Variants in NAGK observed in about 807,000 individuals in gnomAD.
The protein encoded by NAGK is N-acetyl-D-glucosamine kinase.
In NAGK, 35 loss-of-function variants were observed where a neutral mutation model predicts 42.9. The ratio of observed to expected loss-of-function variants is 0.82; its 90% CI spans 0.62 to 1.08. The LOEUF is 1.08. Ranked by LOEUF, NAGK falls within the 50% of genes least tolerant of loss-of-function variation. The probability of loss-of-function intolerance (pLI) is 0.00; values close to 1 mark genes in which losing one functional copy is unlikely to be tolerated. For missense variants in NAGK, 446 were observed against 446.0 expected (o/e 1.00, Z 0.00); for synonymous variants, 172 against 176.0 (o/e 0.98, Z 0.18).
chr2:71,072,564 C>G, intron 4 of NAGK, 77 bp from the exon 5 acceptor site: 1 of 1,253,544 alleles, frequency 8.0e-7, no homozygotes, highest in Non-Finnish European at 1.2e-6. Flanking sequence ...TGTTTTCTGT[C>G]CTGTCTTTCC....
At chr2:71,071,866 T>C (rs936404003) in intron 4 of NAGK, 39 bp downstream of exon 4, 1 of 1,609,506 alleles carries the variant, frequency 6.2e-7, no homozygotes, top group East Asian at 2.2e-5. Flanking sequence ...GAGAACTGGT[T>C]TTTTTGGGAA....
chr2:71,068,790 C>G, intron 1 of NAGK, 78 bp downstream of exon 1: 1 of 1,425,928 alleles, frequency 7.0e-7, no homozygotes, highest in Non-Finnish European at 9.2e-7. Context: ...AGCTGGTGGC[C>G]TTGATCCTCG....
At chr2:71,073,860 C>G (rs1346205702) in intron 6 of NAGK, among the ~76,000 whole-genome samples, 1 of 152,092 alleles carries the variant, frequency 6.6e-6, no homozygotes, top group Non-Finnish European at 1.5e-5. Context: ...CATTCTTGGG[C>G]AGCTAGAACC....
intron 9 of NAGK, 126 bp from the exon 10 acceptor site, chr2:71,078,192 T>C: frequency 8.9e-6 from 8 of 898,418 alleles, no homozygotes; most frequent in East Asian, 5.2e-5. Flanking sequence ...GCACTTGGCA[T>C]GTAGGCCCCT....
intron 7 of NAGK, chr2:71,076,354 C>G (rs560074951): frequency 5.0e-6 from 2 of 400,578 alleles, no homozygotes; most frequent in South Asian, 5.3e-5. Context: ...GGGTGCTGCC[C>G]TCCCTTCCTG....
At chr2:71,069,492 C>G (rs745793325) in intron 1 of NAGK, 1 of 152,238 alleles carries the variant, frequency 6.6e-6, no homozygotes, top group Non-Finnish European at 1.5e-5. Flanking sequence ...ATTGTTTTCA[C>G]TTCTCTGGCA....
Position 71,076,720 on chromosome 2 carries a change from G to A in NAGK, c.765+19G>A. The A allele has an allele frequency of 6.2e-7, 1 of 1,603,090 alleles. No individual in the cohort carries two copies. Among genetic ancestry groups the A allele is most frequent in the South Asian group, 1.1e-5 (1 of 90,714 alleles). Reference sequence around the variant, plus strand: ...TGACCCGGTGAGTTGAGGTGGGAGTGAAGGTGGGGAGCTGCTGGGTGAGGA... The same window carrying A: ...TGACCCGGTGAGTTGAGGTGGGAGTAAAGGTGGGGAGCTGCTGGGTGAGGA... On this transcript the variant is annotated intron_variant, in intron 8 of 9. Transcript: ENST00000244204.
intron 5 of NAGK, 55 bp downstream of exon 5, chr2:71,072,806 C>T: frequency 6.7e-6 from 10 of 1,483,406 alleles, no homozygotes; most frequent in Non-Finnish European, 8.4e-6. Context: ...TTCCTTCACT[C>T]CCTGTCTTTC....
intron 1 of NAGK, chr2:71,070,266 C>T (rs1671948491): frequency 3.0e-5 from 13 of 434,638 alleles, no homozygotes; most frequent in South Asian, 2.2e-4. Flanking sequence ...CTAGGTGAAG[C>T]GTAAGTAGAG....
chr2:71,073,748 GGGTGCATTCTAGGA>G (rs1357589696), intron 6 of NAGK, among the ~76,000 whole-genome samples, 154 bp downstream of exon 6: 3 of 152,140 alleles, frequency 2.0e-5, no homozygotes, highest in Non-Finnish European at 2.9e-5. Flanking sequence ...GGTGAGGACA[GGGTGCATTCTAGGA>G]GGTGCATTCT....
At chr2:71,073,333 T>TCCCCCCCCCCC in intron 5 of NAGK, 149 bp from the exon 6 acceptor site, 1 of 275,672 alleles carries the variant, frequency 3.6e-6, no homozygotes, top group Non-Finnish European at 7.2e-6. Flanking sequence ...CACCCCCCTC[T>TCCCCCCCCCCC]CCCACCCCCT....
chr2:71,077,062 A>G (rs532798662), intron 8 of NAGK, among the ~76,000 whole-genome samples: 2 of 151,390 alleles, frequency 1.3e-5, no homozygotes, highest in Admixed American at 1.3e-4. Flanking sequence ...CTCCCACTCT[A>G]CCTCCCAGGT....
chr2:71,073,494 C>A lies in NAGK; in HGVS notation c.479C>A (p.Ala160Glu), dbSNP rs1190188472. The change falls in exon 6 of 10, where the codon GCA (alanine) becomes GAA (glutamate). Residue 160 changes from alanine (A) to glutamate (E), a missense_variant. Coordinates refer to ENST00000244204, the MANE Select transcript of NAGK (RefSeq NM_017567.6). ...CTGCTCCCTGCAGCCTACTGGATCG[C>A]ACACCAAGCAGTGAAAATAGTGTTT... is the stretch of plus-strand genomic sequence containing the variant. ...MGDEGSAYWI[A>E]HQAVKIVFDS... 6.2e-7 allele frequency: 1 copy of A among 1,613,892 alleles called. No individual in the cohort carries two copies. Among genetic ancestry groups the A allele is most frequent in the Admixed American group, 1.7e-5 (1 of 60,026 alleles).
rs768232499 is a variant in NAGK, at chr2:71,077,651, A to T, written c.844+15A>T. The T allele has an allele frequency of 5.0e-6, 8 of 1,595,442 alleles. No individual in the cohort carries two copies. The Admixed American group carries it at 1.4e-4, about 28-fold the overall frequency. On this transcript the variant is annotated intron_variant, in intron 9 of 9. Transcript: ENST00000244204. ...GCTGAAGGAAGGTGAGCCTGGGGGG[A>T]GGCTGGAAGGGCAAGGGCAGGGGAC...
At chr2:71,068,334 C>G (rs1316378461), upstream of NAGK, 6 of 562,342 alleles carry the variant, frequency 1.1e-5, no homozygotes, top group South Asian at 7.9e-5. Flanking sequence ...TACAGGCAGG[C>G]AGGTCAGTGA....
chr2:71,076,621 C>G lies in NAGK; in HGVS notation c.685C>G (p.Pro229Ala). ...KIAEGAQQGD[P>A]LSRYIFRKAG... is the part of the protein sequence containing the mutation. ...TACCCCAGGTGCTCAGCAGGGAGAC[C>G]CCCTTTCCCGCTATATCTTCAGGAA... Residue 229 changes from proline (P) to alanine (A), a missense_variant, in exon 8 of 10, where the codon CCC becomes GCC. By Grantham distance (27) the Pro-to-Ala change is conservative. Transcript: ENST00000244204. 6.2e-7 allele frequency: 1 copy of G among 1,613,540 alleles called. No homozygotes were observed. The highest frequency in any genetic ancestry group is 1.1e-5 in the South Asian group (1 of 91,030).
chr2:71,068,502 G>A (rs1298275656), upstream of NAGK: 6 of 1,429,992 alleles, frequency 4.2e-6, no homozygotes, highest in Admixed American at 3.0e-5. Context: ...GACAGCCTGA[G>A]GGACGCAGCC....
Position 71,075,593 on chromosome 2 carries a change from G to C in NAGK, c.618G>C (p.Arg206Ser). ...TAGGGATACTCACTCACCTGTATAG[G>C]GACTTTGATAAATGCAGGTTTGCTG... ...DRLGILTHLY[R>S]DFDKCRFAGF... The change falls in exon 7 of 10, where the codon AGG becomes AGC. Residue 206 changes from arginine (R) to serine (S), a missense_variant. By Grantham distance (110) the Arg-to-Ser change is moderately radical. Coordinates refer to ENST00000244204, the MANE Select transcript of NAGK (RefSeq NM_017567.6). 6.2e-7 allele frequency: 1 copy of C among 1,614,120 alleles called. No homozygotes were observed. Among genetic ancestry groups the C allele is most frequent in the Non-Finnish European group, 8.5e-7 (1 of 1,180,002 alleles).
intron 9 of NAGK, 101 bp downstream of exon 9, chr2:71,077,737 AC>A: frequency 7.7e-7 from 1 of 1,304,440 alleles, no homozygotes; most frequent in Non-Finnish European, 1.1e-6. Context: ...TGCTTCCTGG[AC>A]CCTGAGGCCT....
Sources: allele counts gnomAD v4.1 joint callset (sites outside exome capture counted in the v4.1 genomes callset), GRCh38; gene constraint gnomAD v4.1.1; transcripts MANE v1.5; gene names NCBI Gene and HGNC (gene_info 2026-07-23, HGNC 2026-07-21).